Variants in SOS2 observed in about 807,000 individuals in gnomAD.
SOS2 encodes son of sevenless homolog 2.
SOS2 carries 65 observed loss-of-function variants against 148.2 expected under a neutral mutation model. The ratio of observed to expected loss-of-function variants is 0.44; its 90% CI spans 0.36 to 0.54. The LOEUF (loss-of-function observed/expected upper bound fraction) is 0.54, where lower values mean the gene tolerates loss of function less well. Among genes scored for constraint, SOS2 ranks in the 20% least tolerant of loss-of-function variants. The probability of loss-of-function intolerance (pLI) is 0.00; values close to 1 mark genes in which losing one functional copy is unlikely to be tolerated. For synonymous variants in SOS2, 539 were observed against 537.1 expected (o/e 1.00, Z -0.05); for missense variants, 1,341 against 1,590.2 (o/e 0.84, Z 2.67).
Position 50,145,457 on chromosome 14 carries a change from A to C in SOS2, c.2504+20T>G, listed in dbSNP as rs1884437711. On this transcript the variant is annotated intron_variant, in intron 15 of 22. Transcript: ENST00000216373. ...AATATTATGGCTATTAGGAGGTAGT[A>C]AGAGTAAATTAAAACTTACTTTTCA... The C allele has an allele frequency of 1.9e-6, 3 of 1,591,808 alleles. No homozygotes were observed. The highest frequency in any genetic ancestry group is 2.6e-6 in the Non-Finnish European group (3 of 1,167,316).
At chr14:50,217,084 T>C (rs1306741296) in intron 1 of SOS2, among the ~76,000 whole-genome samples, 2 of 152,170 alleles carry the variant, frequency 1.3e-5, no homozygotes, top group African/African-American at 4.8e-5. Flanking sequence ...ACCAAAACAG[T>C]ACGGCACTGA....
chr14:50,138,323 A>G (rs1394440348), intron 18 of SOS2, among the ~76,000 whole-genome samples: 3 of 150,192 alleles, frequency 2.0e-5, no homozygotes, highest in Non-Finnish European at 4.4e-5. Flanking sequence ...TGCCCAGCTA[A>G]TTTTTTTTTA....
intron 8 of SOS2, among the ~76,000 whole-genome samples, chr14:50,163,982 G>A (rs189431602): frequency 1.1e-3 from 165 of 152,218 alleles, no homozygotes; most frequent in African/African-American, 3.9e-3. Context: ...GGGATTTCCT[G>A]GTAATGGAAG....
intron 1 of SOS2, among the ~76,000 whole-genome samples, chr14:50,225,656 C>T (rs1226035541): frequency 1.3e-5 from 2 of 152,108 alleles, no homozygotes; most frequent in Non-Finnish European, 2.9e-5. Context: ...CAAATGACTC[C>T]CTCGAGTTCT....
At chr14:50,132,819 A>C (rs1883926527) in intron 19 of SOS2, among the ~76,000 whole-genome samples, 1 of 152,118 alleles carries the variant, frequency 6.6e-6, no homozygotes, top group African/African-American at 2.4e-5. Flanking sequence ...TTGCAGAAAA[A>C]CAACCAGGAA....
At chr14:50,170,097 AT>A (rs113568518) in intron 8 of SOS2, among the ~76,000 whole-genome samples, 285 of 135,370 alleles carry the variant, frequency 2.1e-3, no homozygotes, top group East Asian at 6.9e-3. Context: ...AGCTAATCTG[AT>A]TTTTTTTTTT....
At position 50,120,311 on chromosome 14, in the gene SOS2, A is replaced by C; in HGVS notation, c.3453T>G (p.Pro1151=). 2.5e-6 allele frequency: 4 copies of C among 1,605,890 alleles called. No homozygotes were observed. Among genetic ancestry groups the C allele is most frequent in the Non-Finnish European group, 3.4e-6 (4 of 1,174,392 alleles). Residue 1151 remains proline (P), a synonymous_variant, in exon 22 of 23, where the codon CCT becomes CCG. Transcript: ENST00000216373. ...AAGCATCATGATCAAACTTTTTTCG[A>C]GGAGGAAGAGGAGGAGGAATCAGGG... ...EEPLIPPPLP[P]RKKFDHDASN...
At chr14:50,197,731 C>G (rs1226389882) in intron 4 of SOS2, among the ~76,000 whole-genome samples, 1 of 148,580 alleles carries the variant, frequency 6.7e-6, no homozygotes, top group Non-Finnish European at 1.5e-5. Context: ...CTTTGTCACC[C>G]AGGCTGCAAT....
At chr14:50,223,535 C>T (rs1260920595) in intron 1 of SOS2, among the ~76,000 whole-genome samples, 4 of 151,700 alleles carry the variant, frequency 2.6e-5, no homozygotes, top group East Asian at 1.9e-4. Flanking sequence ...ATTACCTGGG[C>T]GTGGTGGCAC....
At chr14:50,120,673 A>C (rs1373574624) in intron 21 of SOS2, among the ~76,000 whole-genome samples, 1 of 152,120 alleles carries the variant, frequency 6.6e-6, no homozygotes, top group Non-Finnish European at 1.5e-5. Flanking sequence ...TTCACAAATC[A>C]AAACAAAACA....
At chr14:50,129,423 T>C (rs1481565129) in intron 21 of SOS2, among the ~76,000 whole-genome samples, 6 of 152,230 alleles carry the variant, frequency 3.9e-5, no homozygotes, top group Non-Finnish European at 4.4e-5. Context: ...CTCACTCCGT[T>C]GCCCAGGCTG....
intron 1 of SOS2, among the ~76,000 whole-genome samples, chr14:50,210,253 C>T (rs1268954908): frequency 1.3e-5 from 2 of 152,220 alleles, no homozygotes; most frequent in East Asian, 1.9e-4. Flanking sequence ...TATATAGACG[C>T]TTATTTACAC....
intron 7 of SOS2, among the ~76,000 whole-genome samples, chr14:50,178,964 A>C (rs1178412141): frequency 2.0e-5 from 3 of 151,852 alleles, no homozygotes; most frequent in Admixed American, 2.0e-4. Context: ...GGAACTCCTG[A>C]CCTCAGGTGA....
chr14:50,231,074 G>T (rs1887526392), intron 1 of SOS2, 123 bp downstream of exon 1: 1 of 590,894 alleles, frequency 1.7e-6, no homozygotes, highest in Non-Finnish European at 2.5e-6. Context: ...GCCCCCCATT[G>T]CCAGCCAACG....
intron 13 of SOS2, among the ~76,000 whole-genome samples, chr14:50,150,917 G>T (rs1884642321): frequency 6.6e-6 from 1 of 152,116 alleles, no homozygotes; most frequent in Non-Finnish European, 1.5e-5. Context: ...TACAGACAGG[G>T]TTTCACCATG....
chr14:50,152,722 A>G (rs1402342768), intron 13 of SOS2, among the ~76,000 whole-genome samples: 1 of 152,204 alleles, frequency 6.6e-6, no homozygotes, highest in Non-Finnish European at 1.5e-5. Flanking sequence ...TGGGAAGCTG[A>G]GGCAGGTGGA....
chr14:50,188,770 T>C (rs1455172354), intron 4 of SOS2, 70 bp from the exon 5 acceptor site: 1 of 1,044,626 alleles, frequency 9.6e-7, no homozygotes, highest in Non-Finnish European at 1.4e-6. Context: ...TCAAAGTACT[T>C]GAAATCTATA....
At chr14:50,212,794 T>C (rs1443036183) in intron 1 of SOS2, among the ~76,000 whole-genome samples, 2 of 152,094 alleles carry the variant, frequency 1.3e-5, no homozygotes, top group African/African-American at 2.4e-5. Flanking sequence ...ACAAAGAGAA[T>C]ATCCTACAAG....
In SOS2 at chr14:50,159,746, C is replaced by T; in HGVS notation, c.1537G>A (p.Glu513Lys). Reference protein sequence around the residue: ...EDTCEHKHAFELVSKDENSII... With the variant: ...EDTCEHKHAFKLVSKDENSII... ...CTGTTCTCATCTTTGGATACTAATT[C>T]AAATGCATGCTTGTGCTCACAAGTA... Residue 513 changes from glutamate (E) to lysine (K), a missense_variant, in exon 10 of 23, where the codon GAA becomes AAA. Transcript: ENST00000216373. 4 of 1,613,872 alleles carry T rather than the reference C, an allele frequency of 2.5e-6. No homozygotes were observed. Among genetic ancestry groups the T allele is most frequent in the South Asian group, 2.2e-5 (2 of 91,064 alleles).
Sources: gnomAD v4.1 joint callset for allele counts (sites outside exome capture counted in the v4.1 genomes callset) on GRCh38, gnomAD v4.1.1 for gene constraint, MANE v1.5 for transcripts, NCBI Gene and HGNC (gene_info 2026-07-23, HGNC 2026-07-21) for gene names.